HACD2: variants seen among roughly 807,000 people sequenced by gnomAD.
HACD2 encodes the protein very-long-chain (3R)-3-hydroxyacyl-CoA dehydratase 2.
In HACD2, 15 loss-of-function variants were observed where a neutral mutation model predicts 31.0. The observed-to-expected ratio is 0.48, with a 90% CI of 0.32 to 0.75. The LOEUF is 0.75. Among genes scored for constraint, HACD2 ranks in the 30% least tolerant of loss-of-function variants. The pLI, the probability that HACD2 is intolerant of heterozygous loss-of-function variation, is 0.03. For synonymous variants in HACD2, 115 were observed against 122.2 expected, an observed-to-expected ratio of 0.94 and a Z score of 0.39; for missense variants, 283 against 313.0, an observed-to-expected ratio of 0.90 and a Z score of 0.72.
At chr3:123,527,099 CATTA>C (rs1273436878) in intron 4 of HACD2, among the ~76,000 whole-genome samples, 7 of 152,188 alleles carry the variant, frequency 4.6e-5, no homozygotes, top group Admixed American at 3.9e-4. Flanking sequence ...ACTGAAAGTA[CATTA>C]ATTATCTATT....
At chr3:123,569,190 T>C (rs1196342813) in intron 2 of HACD2, among the ~76,000 whole-genome samples, 1 of 152,158 alleles carries the variant, frequency 6.6e-6, no homozygotes. Context: ...ATTGCAAATC[T>C]TACAGTCTTT....
chr3:123,560,623 CAG>C (rs1346601767), intron 3 of HACD2, among the ~76,000 whole-genome samples: 1 of 152,106 alleles, frequency 6.6e-6, no homozygotes. Context: ...ATATTTGTGA[CAG>C]GGGTCCCGGT....
chr3:123,517,685 C>T (rs371350561), intron 4 of HACD2, among the ~76,000 whole-genome samples: 23 of 152,270 alleles, frequency 1.5e-4, no homozygotes, highest in African/African-American at 4.8e-4. Flanking sequence ...TTACCACTGA[C>T]AGAAAGGTAA....
chr3:123,543,767 A>T (rs1576766099), intron 3 of HACD2: 1 of 292,134 alleles, frequency 3.4e-6, no homozygotes, highest in South Asian at 3.0e-5. Context: ...AGAAAAATAA[A>T]AATTATTGAC....
At chr3:123,560,512 G>A (rs534546880) in intron 3 of HACD2, among the ~76,000 whole-genome samples, 1 of 152,232 alleles carries the variant, frequency 6.6e-6, no homozygotes, top group Admixed American at 6.5e-5. Context: ...GCCTGGCTAG[G>A]TTACATCCCT....
chr3:123,581,020 C>T (rs2056960363), intron 2 of HACD2, among the ~76,000 whole-genome samples: 2 of 152,148 alleles, frequency 1.3e-5, no homozygotes, highest in African/African-American at 4.8e-5. Flanking sequence ...CGGGGTTTCA[C>T]TGTGTTAGCC....
chr3:123,576,148 C>T lies in HACD2; in HGVS notation c.273+6064G>A, dbSNP rs547846321. The stretch of plus-strand genomic sequence containing the variant: ...TTCTGCAATTCATTTTATATGAGAA[C>T]GTGAGTGGAAACTCCCGCCTTTTTT... On this transcript the variant is annotated intron_variant, in intron 2 of 6. Coordinates refer to ENST00000383657, the MANE Select transcript of HACD2 (RefSeq NM_198402.5). Among the ~76,000 whole-genome samples, 7 of 152,262 alleles carry T rather than the reference C, an allele frequency of 4.6e-5. No individual in the cohort carries two copies. The South Asian group carries it at 8.3e-4, about 18-fold the overall frequency.
chr3:123,582,120 C>T (rs2056972194), intron 2 of HACD2, 92 bp downstream of exon 2: 1 of 782,550 alleles, frequency 1.3e-6, no homozygotes, highest in Non-Finnish European at 1.9e-6. Flanking sequence ...TAACATGAAT[C>T]CAAAGGGGGT....
intron 4 of HACD2, among the ~76,000 whole-genome samples, chr3:123,511,280 G>A (rs1446886843): frequency 6.6e-6 from 1 of 152,082 alleles, no homozygotes; most frequent in Non-Finnish European, 1.5e-5. Context: ...TACAGAATTT[G>A]AACCCAAGGT....
chr3:123,548,079 T>C (rs954080893), intron 3 of HACD2, among the ~76,000 whole-genome samples: 1 of 152,160 alleles, frequency 6.6e-6, no homozygotes, highest in African/African-American at 2.4e-5. Context: ...AAAACAAGCC[T>C]GTGGTGGGTG....
intron 3 of HACD2, among the ~76,000 whole-genome samples, chr3:123,552,278 A>T (rs372372059): frequency 1.1e-4 from 17 of 152,314 alleles, no homozygotes; most frequent in African/African-American, 4.1e-4. Flanking sequence ...TGAGTAAAAA[A>T]GAAGGGAGAG....
At chr3:123,572,652 C>A (rs1020337022) in intron 2 of HACD2, among the ~76,000 whole-genome samples, 4 of 152,164 alleles carry the variant, frequency 2.6e-5, no homozygotes, top group African/African-American at 9.7e-5. Flanking sequence ...TTGGAAACAT[C>A]TTTTCAAAGT....
At chr3:123,568,336 CT>C (rs1284583654) in intron 2 of HACD2, among the ~76,000 whole-genome samples, 1 of 152,248 alleles carries the variant, frequency 6.6e-6, no homozygotes, top group Non-Finnish European at 1.5e-5. Flanking sequence ...ACATCCCAAG[CT>C]GCCTCTGGAC....
chr3:123,552,976 G>C (rs2056635793), intron 3 of HACD2, among the ~76,000 whole-genome samples: 2 of 152,052 alleles, frequency 1.3e-5, no homozygotes, highest in South Asian at 4.1e-4. Context: ...AGGCAAAGAA[G>C]ATCCAACACA....
intron 5 of HACD2, 69 bp from the exon 6 acceptor site, chr3:123,500,762 C>A (rs2055893071): frequency 2.0e-6 from 2 of 1,006,596 alleles, no homozygotes; most frequent in South Asian, 1.6e-5. Flanking sequence ...CACTTCCCAC[C>A]CTTCTAATCA....
At chr3:123,575,396 T>C (rs1046716555) in intron 2 of HACD2, among the ~76,000 whole-genome samples, 35 of 152,122 alleles carry the variant, frequency 2.3e-4, no homozygotes, top group Admixed American at 3.3e-4. Flanking sequence ...GGATTACAGG[T>C]GTCAGCCACC....
At chr3:123,543,272 A>T (rs1007249963) in intron 3 of HACD2, among the ~76,000 whole-genome samples, 1 of 152,200 alleles carries the variant, frequency 6.6e-6, no homozygotes, top group Admixed American at 6.5e-5. Flanking sequence ...GTCTGATTTC[A>T]AACTAAACCC....
chr3:123,565,452 C>T (rs2056779784), intron 3 of HACD2, among the ~76,000 whole-genome samples: 2 of 152,120 alleles, frequency 1.3e-5, no homozygotes, highest in Non-Finnish European at 2.9e-5. Flanking sequence ...CCCAAGGGAG[C>T]TCACTTGCCC....
At chr3:123,556,318 TC>T (rs1188982140) in intron 3 of HACD2, among the ~76,000 whole-genome samples, 1 of 150,660 alleles carries the variant, frequency 6.6e-6, no homozygotes, top group Non-Finnish European at 1.5e-5. Context: ...ACGCCTGTAG[TC>T]CCAGCTGCTT....
Sources: allele counts gnomAD v4.1 joint callset (sites outside exome capture counted in the v4.1 genomes callset), GRCh38; gene constraint gnomAD v4.1.1; transcripts MANE v1.5; gene names NCBI Gene and HGNC (gene_info 2026-07-23, HGNC 2026-07-21).